Variants in SMIM36 observed in about 807,000 individuals in gnomAD.
The protein encoded by SMIM36 is small integral membrane protein 36.
At chr17:55,454,702 T>A (rs1470321167) in intron 4 of SMIM36, among the ~76,000 whole-genome samples, 1 of 152,194 alleles carries the variant, frequency 6.6e-6, no homozygotes, top group Non-Finnish European at 1.5e-5. Flanking sequence ...CAATACATTT[T>A]TAGTGAAATA....
At chr17:55,522,995 A>C in the SMIM36 span, among the ~76,000 whole-genome samples, 1 of 152,234 alleles carries the variant, frequency 6.6e-6, no homozygotes. Context: ...TGATAAAAAA[A>C]GATCTTGGCA....
At chr17:55,492,554 G>A (rs980495295) in intron 1 of SMIM36, among the ~76,000 whole-genome samples, 1 of 151,064 alleles carries the variant, frequency 6.6e-6, no homozygotes, top group Non-Finnish European at 1.5e-5. Flanking sequence ...CACTGCGCCC[G>A]GCTTCCCCTT....
intron 3 of SMIM36, among the ~76,000 whole-genome samples, chr17:55,474,164 T>C (rs12940283): frequency 0.73 from 110,729 of 151,784 alleles, 41,039 homozygotes; most frequent in Middle Eastern, 0.81. Flanking sequence ...CCAAAGCTCC[T>C]GGCCAAATAA....
chr17:55,459,144 T>G (rs1909089811), intron 4 of SMIM36, among the ~76,000 whole-genome samples: 1 of 152,116 alleles, frequency 6.6e-6, no homozygotes, highest in Non-Finnish European at 1.5e-5. Flanking sequence ...CCTAGAGGTT[T>G]GAGCAGCGGG....
intron 1 of SMIM36, among the ~76,000 whole-genome samples, chr17:55,500,150 G>A (rs980977946): frequency 2.0e-5 from 3 of 151,740 alleles, no homozygotes; most frequent in East Asian, 3.9e-4. Context: ...AGACAGGGCC[G>A]TGCTCTGTTA....
chr17:55,477,043 G>A (rs939892265), intron 3 of SMIM36: 17 of 152,208 alleles, frequency 1.1e-4, no homozygotes, highest in Admixed American at 3.3e-4. Context: ...GGGACCTCAT[G>A]CGGTAGCTCA....
At chr17:55,497,316 G>A (rs1332427413) in intron 1 of SMIM36, among the ~76,000 whole-genome samples, 1 of 152,002 alleles carries the variant, frequency 6.6e-6, no homozygotes, top group Non-Finnish European at 1.5e-5. Context: ...CCAGGCTGGA[G>A]TGCAATGGCG....
intron 3 of SMIM36, among the ~76,000 whole-genome samples, chr17:55,472,866 T>TA (rs748364478): frequency 7.1e-4 from 85 of 120,056 alleles, no homozygotes; most frequent in South Asian, 2.7e-3. Context: ...GACTCTGTCT[T>TA]AAAAAAAAAA....
At chr17:55,518,612 G>A in the SMIM36 span, among the ~76,000 whole-genome samples, 24 of 152,314 alleles carry the variant, frequency 1.6e-4, no homozygotes, top group African/African-American at 2.4e-4. Flanking sequence ...AAAGTGGACC[G>A]TGAGTAAAAA....
Position 55,511,432 on chromosome 17 carries a change from T to C in SMIM36, c.-98A>G. ...ATCTTAGAGCATCGGAATAGCTACATTGGCTCTGGAGTAAAAATACATTAA... is the reference window on the plus strand; with the variant it reads ...ATCTTAGAGCATCGGAATAGCTACACTGGCTCTGGAGTAAAAATACATTAA... On this transcript the variant is annotated 5_prime_UTR_variant, in exon 1 of 5. It removes an upstream start codon present in the reference 5' UTR. Transcript: ENST00000636752. 1 of 396,912 alleles carries C rather than the reference T, an allele frequency of 2.5e-6. No homozygotes were observed. Among genetic ancestry groups the C allele is most frequent in the East Asian group, 3.6e-5 (1 of 28,042 alleles). The allele number at this position is 396,912 out of a possible 1,614,324, so 24.6% of individuals were successfully genotyped here.
the SMIM36 span, among the ~76,000 whole-genome samples, chr17:55,522,695 C>A: frequency 1.3e-5 from 2 of 152,112 alleles, no homozygotes; most frequent in Non-Finnish European, 2.9e-5. Flanking sequence ...GGGACACAGC[C>A]AAATCATGTC....
chr17:55,502,952 TC>T (rs1910019274), intron 1 of SMIM36, among the ~76,000 whole-genome samples: 1 of 150,568 alleles, frequency 6.6e-6, no homozygotes, highest in Admixed American at 6.6e-5. Context: ...GCCGATGCGA[TC>T]AACTGGAAGA....
Position 55,464,419 on chromosome 17 carries a change from A to G in SMIM36, c.*531+2726T>C, listed in dbSNP as rs146305301. On this transcript the variant is annotated intron_variant, in intron 4 of 4. Coordinates refer to ENST00000636752, the Ensembl canonical transcript of SMIM36. ...TCATCTGGAACATAGAGGGCATGTTAATTCCACTTGTAGGATGTTCAGATC... is the reference window on the plus strand; with the variant it reads ...TCATCTGGAACATAGAGGGCATGTTGATTCCACTTGTAGGATGTTCAGATC... Among the ~76,000 whole-genome samples the G allele has an allele frequency of 1.6e-3, 243 of 152,264 alleles. 6 individuals are homozygous for G. The East Asian group carries it at 0.039, about 24-fold the overall frequency.
At chr17:55,471,583 T>C (rs1056442595) in intron 3 of SMIM36, among the ~76,000 whole-genome samples, 4 of 152,212 alleles carry the variant, frequency 2.6e-5, no homozygotes, top group African/African-American at 9.6e-5. Context: ...CAGGCTTTTC[T>C]ATCCTAACCA....
intron 3 of SMIM36, among the ~76,000 whole-genome samples, chr17:55,471,226 C>A (rs1909336820): frequency 6.6e-6 from 1 of 152,206 alleles, no homozygotes; most frequent in South Asian, 2.1e-4. Flanking sequence ...ACAGGCCACA[C>A]TACTTTGGCC....
At chr17:55,468,945 G>T (rs1048996202) in intron 3 of SMIM36, among the ~76,000 whole-genome samples, 1 of 152,054 alleles carries the variant, frequency 6.6e-6, no homozygotes, top group Non-Finnish European at 1.5e-5. Context: ...CGTAAAATGG[G>T]CAAATGGTCT....
At chr17:55,461,445 A>G (rs1342309326) in intron 4 of SMIM36, among the ~76,000 whole-genome samples, 1 of 152,192 alleles carries the variant, frequency 6.6e-6, no homozygotes, top group Non-Finnish European at 1.5e-5. Flanking sequence ...AACTATAGGG[A>G]CAGAAATCAG....
intron 1 of SMIM36, among the ~76,000 whole-genome samples, chr17:55,498,409 C>A (rs900843736): frequency 6.6e-6 from 1 of 152,088 alleles, no homozygotes; most frequent in Non-Finnish European, 1.5e-5. Flanking sequence ...CCCCTCAACA[C>A]CCCCATAAAT....
At chr17:55,465,454 T>TAG (rs1247678192) in intron 4 of SMIM36, among the ~76,000 whole-genome samples, 2 of 152,142 alleles carry the variant, frequency 1.3e-5, no homozygotes, top group Non-Finnish European at 2.9e-5. Context: ...TTTGAAGACT[T>TAG]AGGAGTTGGG....
Sources: gnomAD v4.1 joint callset for allele counts (sites outside exome capture counted in the v4.1 genomes callset) on GRCh38, gnomAD v4.1.1 for gene constraint, MANE v1.5 for transcripts, NCBI Gene and HGNC (gene_info 2026-07-23, HGNC 2026-07-21) for gene names.